GRK5: variants seen among roughly 807,000 people sequenced by gnomAD.
GRK5 encodes the protein g protein-coupled receptor kinase GRK5.
Under a neutral mutation model 78.4 loss-of-function variants are expected in GRK5, and 40 were observed. The ratio of observed to expected loss-of-function variants is 0.51; its 90% CI spans 0.40 to 0.66. GRK5 has a LOEUF of 0.66. GRK5 is among the 30% of genes least tolerant of loss of function. The probability of loss-of-function intolerance (pLI) is 0.00; values close to 1 mark genes in which losing one functional copy is unlikely to be tolerated. For synonymous variants in GRK5, 289 were observed against 296.8 expected, an observed-to-expected ratio of 0.97 and a Z score of 0.27; for missense variants, 598 against 759.9, an observed-to-expected ratio of 0.79 and a Z score of 2.50.
intron 1 of GRK5, among the ~76,000 whole-genome samples, chr10:119,298,142 A>T (rs1276560214): frequency 1.3e-5 from 2 of 152,192 alleles, no homozygotes; most frequent in East Asian, 3.8e-4. Context: ...TATGCTCAGC[A>T]CTGTACATAT....
rs568668557 is a variant in GRK5, at chr10:119,430,463, T to C, written c.597+25T>C. The C allele has an allele frequency of 2.8e-5, 45 of 1,596,900 alleles. No individual in the cohort carries two copies. In the African/African-American group the frequency reaches 5.4e-4, roughly 19 times the overall value. On this transcript the variant is annotated intron_variant, in intron 7 of 15. Transcript: ENST00000392870. The surrounding 1 kb of genome is among the most constrained non-coding windows in gnomAD (Gnocchi z 4.5). ...GGTGAGTGAACATTCACGTTTTTAA[T>C]TGAAAGTTCTTACATTCAAGTCACC... is the stretch of plus-strand genomic sequence containing the variant.
At chr10:119,290,154 C>T (rs922832016) in intron 1 of GRK5, among the ~76,000 whole-genome samples, 26 of 152,032 alleles carry the variant, frequency 1.7e-4, no homozygotes, top group African/African-American at 6.3e-4. Flanking sequence ...CGAGACTACC[C>T]TGGGTAACAT....
chr10:119,424,734 A>G (rs528498572), intron 5 of GRK5, among the ~76,000 whole-genome samples: 14 of 152,312 alleles, frequency 9.2e-5, no homozygotes, highest in African/African-American at 3.4e-4. Flanking sequence ...CCCACATACA[A>G]TGCCAACCCC....
intron 2 of GRK5, among the ~76,000 whole-genome samples, chr10:119,368,988 T>G (rs1851499437): frequency 1.3e-5 from 2 of 152,314 alleles, no homozygotes; most frequent in South Asian, 4.1e-4. Context: ...CCTGTCACAG[T>G]GATCTGTTTG....
intron 4 of GRK5, chr10:119,406,397 G>A (rs998612867): frequency 1.1e-6 from 1 of 941,934 alleles, no homozygotes; most frequent in East Asian, 1.2e-4. Context: ...CTTAGAGTCT[G>A]CCTGATCATC....
chr10:119,383,330 G>A (rs755017086), intron 3 of GRK5, among the ~76,000 whole-genome samples: 1 of 152,218 alleles, frequency 6.6e-6, no homozygotes, highest in Non-Finnish European at 1.5e-5. Flanking sequence ...GTGGTTTCAT[G>A]TTCTTCCATC....
chr10:119,399,371 G>A (rs1208961593), intron 4 of GRK5, among the ~76,000 whole-genome samples: 1 of 152,200 alleles, frequency 6.6e-6, no homozygotes, highest in Non-Finnish European at 1.5e-5. Flanking sequence ...ATGCAGCGAA[G>A]CAAGGTGCTG....
chr10:119,340,998 C>T (rs1850972158), intron 2 of GRK5, among the ~76,000 whole-genome samples: 1 of 152,170 alleles, frequency 6.6e-6, no homozygotes, highest in Non-Finnish European at 1.5e-5. Flanking sequence ...TGAACATCAC[C>T]AGCTTCCTCT....
intron 2 of GRK5, among the ~76,000 whole-genome samples, chr10:119,342,259 G>T (rs1173151075): frequency 6.6e-6 from 1 of 152,260 alleles, no homozygotes; most frequent in East Asian, 1.9e-4. Context: ...TGGCGGGTCA[G>T]TTGGGACAAA....
intron 1 of GRK5, among the ~76,000 whole-genome samples, chr10:119,302,324 G>C (rs943134543): frequency 9.2e-5 from 14 of 152,292 alleles, no homozygotes; most frequent in Non-Finnish European, 2.1e-4. Context: ...CTTGAAACAG[G>C]GTTACATCCT....
intron 1 of GRK5, among the ~76,000 whole-genome samples, chr10:119,270,097 G>C (rs1239646938): frequency 6.6e-6 from 1 of 152,188 alleles, no homozygotes; most frequent in Non-Finnish European, 1.5e-5. Context: ...ATTCAGGGTT[G>C]GGCATAAATA....
chr10:119,459,473 G>A lies in GRK5; in HGVS notation c.*4406G>A, dbSNP rs188875873. The A allele has an allele frequency of 9.2e-5, 14 of 152,346 alleles. No individual in the cohort carries two copies. The highest frequency in any genetic ancestry group is 3.9e-4 in the Admixed American group (6 of 15,296). 9.4% of individuals were successfully genotyped at this position (152,346 alleles called of 1,614,324 possible). On this transcript the variant is annotated 3_prime_UTR_variant, in exon 16 of 16. Transcript: ENST00000392870. ...GTCATTTTTGTAACAGTCCCTAAGC[G>A]AGTGTTCTCAATTAGAAGAGTTTAG...
In GRK5 at chr10:119,207,833, A is replaced by T. The variant is rs1385727273; in HGVS notation, c.-85A>T. On this transcript the variant is annotated 5_prime_UTR_variant, in exon 1 of 16. Coordinates refer to ENST00000392870, the MANE Select transcript of GRK5 (RefSeq NM_005308.3). ...CCCCGGCTCCGGCAGCAGCGGCGGC[A>T]GCCCGAGCAGCGGCAGCAGCAGCGG... 1.5e-6 allele frequency: 2 copies of T among 1,317,938 alleles called. No individual in the cohort carries two copies. Among genetic ancestry groups the T allele is most frequent in the Non-Finnish European group, 2.1e-6 (2 of 960,468 alleles). 81.6% of individuals were successfully genotyped at this position (1,317,938 alleles called of 1,614,324 possible). A position where few individuals can be genotyped will look rare whatever the true frequency, so the allele number is the denominator to read the frequency against.
chr10:119,414,934 TAGTC>T (rs1319508951), intron 4 of GRK5, among the ~76,000 whole-genome samples: 1 of 151,414 alleles, frequency 6.6e-6, no homozygotes, highest in African/African-American at 2.4e-5. Flanking sequence ...ATACAAAAAT[TAGTC>T]AGGTGTTGTG....
At chr10:119,219,029 C>T (rs1348385538) in intron 1 of GRK5, among the ~76,000 whole-genome samples, 2 of 150,558 alleles carry the variant, frequency 1.3e-5, no homozygotes, top group Admixed American at 1.3e-4. Context: ...TCCCAAGCAG[C>T]TGGGACTACA....
chr10:119,391,258 C>T (rs540199741), intron 3 of GRK5, among the ~76,000 whole-genome samples: 5 of 152,232 alleles, frequency 3.3e-5, no homozygotes, highest in East Asian at 1.9e-4. Flanking sequence ...TTTGCCCAGG[C>T]GGGCACAAGC....
At position 119,448,108 on chromosome 10, in the gene GRK5, G is replaced by A; in HGVS notation, c.1267-15G>A. 1 of 1,530,532 alleles carries A rather than the reference G, an allele frequency of 6.5e-7. No individual in the cohort carries two copies. The highest frequency in any genetic ancestry group is 8.7e-7 in the Non-Finnish European group (1 of 1,144,094). The allele number at this position is 1,530,532 out of a possible 1,614,324, so 94.8% of individuals were successfully genotyped here. ...AGGCCCAGGGGACGTGGCTTCATGG[G>A]GCTCTCTGTTTCAGCTGCTCACGAA... On this transcript the variant is annotated splice_polypyrimidine_tract_variant and intron_variant, in intron 12 of 15. Coordinates refer to ENST00000392870, the MANE Select transcript of GRK5 (RefSeq NM_005308.3).
intron 2 of GRK5, among the ~76,000 whole-genome samples, chr10:119,355,814 T>C (rs1007064537): frequency 6.6e-6 from 1 of 152,084 alleles, no homozygotes; most frequent in Non-Finnish European, 1.5e-5. Flanking sequence ...AAAACTCCTT[T>C]GGGATCTATA....
chr10:119,401,928 C>T (rs185727487), intron 4 of GRK5, among the ~76,000 whole-genome samples: 15 of 152,346 alleles, frequency 9.8e-5, no homozygotes, highest in Admixed American at 4.6e-4. Context: ...TTCTTTCTCA[C>T]GCATCATCTG....
Sources: allele counts gnomAD v4.1 joint callset (sites outside exome capture counted in the v4.1 genomes callset), GRCh38; gene constraint gnomAD v4.1.1; non-coding constraint Gnocchi (gnomAD v3.1); transcripts MANE v1.5; gene names NCBI Gene and HGNC (gene_info 2026-07-23, HGNC 2026-07-21).